RPLP0: variants seen among roughly 807,000 people sequenced by gnomAD.
RPLP0 encodes the protein ribosomal protein lateral stalk subunit P0, also known as large ribosomal subunit protein uL10.
For synonymous variants in RPLP0, 137 were observed against 153.4 expected (o/e 0.89, Z 0.79); for missense variants, 276 against 402.9 (o/e 0.69, Z 2.70).
At chr12:120,197,577 C>A in intron 6 of RPLP0, 115 bp from the exon 7 acceptor site, 1 of 1,237,364 alleles carries the variant, frequency 8.1e-7, no homozygotes, top group South Asian at 1.4e-5. Context: ...GCAGCTCAGT[C>A]TCAAGAGAGG....
Position 120,198,402 on chromosome 12 carries a change from A to AAAAAC in RPLP0, c.651+151_651+152insGTTTT. ...CTCTGTCTCCAAAAAAAAAAAAAAA[A>AAAAAC]AATCCTTCAACAATCTTATGTTGTT... is the stretch of plus-strand genomic sequence containing the variant. On this transcript the variant is annotated intron_variant, in intron 6 of 7. Transcript: ENST00000392514. The surrounding 1 kb of genome is among the most constrained non-coding windows in gnomAD (Gnocchi z 4.1). 1 of 821,304 alleles carries AAAAAC rather than the reference A, an allele frequency of 1.2e-6. No homozygotes were observed. Among genetic ancestry groups the AAAAAC allele is most frequent in the Non-Finnish European group, 1.9e-6 (1 of 539,566 alleles). The allele number at this position is 821,304 out of a possible 1,614,324, so 50.9% of individuals were successfully genotyped here. A position where few individuals can be genotyped will look rare whatever the true frequency, so the allele number is the denominator to read the frequency against.
chr12:120,199,270 G>A (rs1470329197), intron 3 of RPLP0, 40 bp downstream of exon 3: 1 of 1,613,652 alleles, frequency 6.2e-7, no homozygotes, highest in Non-Finnish European at 8.5e-7. Context: ...GAGGGAGACG[G>A]GCACTGGGGA....
chr12:120,197,214 T>C, intron 7 of RPLP0, 108 bp downstream of exon 7: 1 of 1,120,728 alleles, frequency 8.9e-7, no homozygotes, highest in Non-Finnish European at 1.3e-6. Context: ...CCTCACAAAA[T>C]TATCTGCTAT....
rs761399216 is a variant in RPLP0, at chr12:120,198,523, TG to T, written c.651+30del. 23 of 1,612,938 alleles carry T rather than the reference TG, an allele frequency of 1.4e-5. No individual in the cohort carries two copies. In the African/African-American group the frequency reaches 2.9e-4, roughly 21 times the overall value. On this transcript the variant is annotated intron_variant, in intron 6 of 7. Transcript: ENST00000392514. The surrounding 1 kb of genome is among the most constrained non-coding windows in gnomAD (Gnocchi z 4.1). Reference sequence around the variant, plus strand: ...ACCTTGTCATGCTCTCAACCATCAGTGTAAGAGGGGGCAAGGCTGACAGCAT... The same window carrying T: ...ACCTTGTCATGCTCTCAACCATCAGTTAAGAGGGGGCAAGGCTGACAGCAT...
chr12:120,200,667 G>T, intron 2 of RPLP0, 63 bp downstream of exon 2: 1 of 1,563,336 alleles, frequency 6.4e-7, no homozygotes, highest in Non-Finnish European at 8.7e-7. Context: ...GCACATAGCA[G>T]CTGACTGTCC....
chr12:120,196,738 A>G lies in RPLP0; in HGVS notation c.*35T>C. 6.5e-7 allele frequency: 1 copy of G among 1,530,030 alleles called. No homozygotes were observed. The highest frequency in any genetic ancestry group is 1.3e-5 in the South Asian group (1 of 79,722). 94.8% of individuals were successfully genotyped at this position (1,530,030 alleles called of 1,614,324 possible). On this transcript the variant is annotated 3_prime_UTR_variant, in exon 8 of 8. Coordinates refer to ENST00000392514, the MANE Select transcript of RPLP0 (RefSeq NM_001002.4). ...GTAAGCCTTTATTTCCTTGTTTTGC[A>G]AATAAAACTGGCTAAGTTGGTTGCT...
At chr12:120,200,106 T>G (rs1347529514) in intron 2 of RPLP0, 1 of 455,958 alleles carries the variant, frequency 2.2e-6, no homozygotes, top group African/African-American at 2.0e-5. Context: ...GTCCTAAATA[T>G]GCAACAGCTT....
intron 2 of RPLP0, chr12:120,200,024 T>C (rs1402411018): frequency 2.2e-6 from 1 of 456,014 alleles, no homozygotes; most frequent in African/African-American, 2.0e-5. Context: ...ACAGTCAGCA[T>C]TTCTGGGCAA....
At chr12:120,197,814 T>A in intron 6 of RPLP0, 1 of 239,216 alleles carries the variant, frequency 4.2e-6, no homozygotes, top group Non-Finnish European at 8.3e-6. Flanking sequence ...TTGTCAAACT[T>A]TCAACAAATG....
chr12:120,199,083 CAA>C, intron 4 of RPLP0, 33 bp downstream of exon 4: 2 of 1,611,082 alleles, frequency 1.2e-6, no homozygotes, highest in Non-Finnish European at 1.7e-6. Flanking sequence ...GGAGCAACAA[CAA>C]AGTCTCTTTA....
Position 120,198,027 on chromosome 12 carries a change from G to A in RPLP0, c.651+527C>T, listed in dbSNP as rs1879250284. 6.6e-6 allele frequency among the ~76,000 whole-genome samples: 1 copy of A among 152,054 alleles called. No homozygotes were observed. The highest frequency in any genetic ancestry group is 2.1e-4 in the South Asian group (1 of 4,818). On this transcript the variant is annotated intron_variant, in intron 6 of 7. Coordinates refer to ENST00000392514, the MANE Select transcript of RPLP0 (RefSeq NM_001002.4). The surrounding 1 kb of genome is among the most constrained non-coding windows in gnomAD (Gnocchi z 4.1). The stretch of plus-strand genomic sequence containing the variant: ...CACCGCAACCTCCACCTCTTAAAAG[G>A]CTTTTGATGGCAAAATGTGAGTCTC...
chr12:120,201,059 C>G (rs1029638039), intron 1 of RPLP0, 24 bp downstream of exon 1: 2 of 437,704 alleles, frequency 4.6e-6, no homozygotes, highest in Non-Finnish European at 8.1e-6. Flanking sequence ...CGACCCCTGG[C>G]GCCCATCTAA....
Position 120,198,760 on chromosome 12 carries a change from G to A in RPLP0, c.466-21C>T, listed in dbSNP as rs776555809. ...TCACTCTGAACCAGATAATAGTGGG[G>A]CAGTAAACACCTGTTGGACAACCAG... On this transcript the variant is annotated intron_variant, in intron 5 of 7. Coordinates refer to ENST00000392514, the MANE Select transcript of RPLP0 (RefSeq NM_001002.4). This position sits in a 1 kb window ranked among gnomAD's most constrained non-coding sequence, Gnocchi z 4.1. 1 of 1,612,000 alleles carries A rather than the reference G, an allele frequency of 6.2e-7. No individual in the cohort carries two copies. Among genetic ancestry groups the A allele is most frequent in the Non-Finnish European group, 8.5e-7 (1 of 1,178,218 alleles).
At chr12:120,200,331 C>T (rs112019961) in intron 2 of RPLP0, 307 of 329,004 alleles carry the variant, frequency 9.3e-4, no homozygotes, top group African/African-American at 6.3e-3. Context: ...GGTGTGGTGT[C>T]GCGCCCCTGT....
At position 120,200,745 on chromosome 12, in the gene RPLP0, G is replaced by A. The variant is rs1388326027; in HGVS notation, c.39C>T (p.Tyr13=). 1.2e-6 allele frequency: 2 copies of A among 1,611,792 alleles called. No individual in the cohort carries two copies. Among genetic ancestry groups the A allele is most frequent in the Non-Finnish European group, 1.7e-6 (2 of 1,179,370 alleles). ...REDRATWKSN[Y]FLKIIQLLDD... is the part of the protein sequence containing the mutation. ...CTGCACTTACGATGATCTTAAGGAA[G>A]TAGTTGGACTTCCAGGTCGCCCTGT... The change falls in exon 2 of 8, where the codon TAC becomes TAT. Residue 13 remains tyrosine, a synonymous_variant. Transcript: ENST00000392514.
chr12:120,198,505 C>A lies in RPLP0; in HGVS notation c.651+49G>T. 6.2e-7 allele frequency: 1 copy of A among 1,606,298 alleles called. No individual in the cohort carries two copies. The highest frequency in any genetic ancestry group is 1.1e-5 in the South Asian group (1 of 90,696). On this transcript the variant is annotated intron_variant, in intron 6 of 7. Coordinates refer to ENST00000392514, the MANE Select transcript of RPLP0 (RefSeq NM_001002.4). The surrounding 1 kb of genome is among the most constrained non-coding windows in gnomAD (Gnocchi z 4.1). ...TACAGGGACTCAGTCTGAACCTTGT[C>A]ATGCTCTCAACCATCAGTGTAAGAG...
At position 120,199,372 on chromosome 12, in the gene RPLP0, G is replaced by C. The variant is rs757781901; in HGVS notation, c.168C>G (p.Gly56=). The change falls in exon 3 of 8, where the codon GGC becomes GGG. Residue 56 remains glycine, a synonymous_variant. Coordinates refer to ENST00000392514, the MANE Select transcript of RPLP0 (RefSeq NM_001002.4). ...SLRGKAVVLM[G]KNTMMRKAIR... ...TGGCCTTGCGCATCATGGTGTTCTT[G>C]CCCATCAGCACCACAGCCTTCCCGC... 7 of 1,614,010 alleles carry C rather than the reference G, an allele frequency of 4.3e-6. No homozygotes were observed. The East Asian group carries it at 1.6e-4, about 36-fold the overall frequency.
chr12:120,200,647 T>C (rs1228061188), intron 2 of RPLP0, 83 bp downstream of exon 2: 10 of 1,475,454 alleles, frequency 6.8e-6, no homozygotes, highest in Non-Finnish European at 9.2e-6. Flanking sequence ...CCGGTGTGAG[T>C]AGACCCTCAG....
At chr12:120,199,595 G>A (rs977786912) in intron 2 of RPLP0, 110 bp from the exon 3 acceptor site, 2 of 1,167,228 alleles carry the variant, frequency 1.7e-6, no homozygotes, top group Non-Finnish European at 2.4e-6. Flanking sequence ...TTTCTTCTAA[G>A]CTTTTGAAGT....
Sources: gnomAD v4.1 joint callset for allele counts (sites outside exome capture counted in the v4.1 genomes callset) on GRCh38, gnomAD v4.1.1 for gene constraint, Gnocchi (gnomAD v3.1) non-coding constraint, MANE v1.5 for transcripts, NCBI Gene and HGNC (gene_info 2026-07-23, HGNC 2026-07-21) for gene names.